Variants in B3GLCT observed in about 807,000 individuals in gnomAD.
The protein encoded by B3GLCT is beta-1,3-glucosyltransferase.
B3GLCT carries 65 observed loss-of-function variants against 63.4 expected under a neutral mutation model. The observed-to-expected ratio is 1.03, with a 90% CI of 0.84 to 1.26. The LOEUF (loss-of-function observed/expected upper bound fraction) is 1.26, where lower values mean the gene tolerates loss of function less well. B3GLCT is among the 50% of genes most tolerant of loss of function. The pLI is 0.00. For synonymous variants in B3GLCT, 233 were observed against 219.2 expected, an observed-to-expected ratio of 1.06 and a Z score of -0.55; for missense variants, 577 against 604.8, an observed-to-expected ratio of 0.95 and a Z score of 0.48.
chr13:31,213,037 CACGCGT>C (rs1296798437), intron 1 of B3GLCT, among the ~76,000 whole-genome samples: 1 of 149,670 alleles, frequency 6.7e-6, no homozygotes, highest in African/African-American at 2.5e-5. Context: ...TGTGTGTGTG[CACGCGT>C]GCGCGTGTGT....
At chr13:31,234,057 G>T (rs561182928) in intron 4 of B3GLCT, among the ~76,000 whole-genome samples, 1 of 149,542 alleles carries the variant, frequency 6.7e-6, no homozygotes, top group East Asian at 2.0e-4. Flanking sequence ...TCACTCTGTC[G>T]CCCAGGCTGG....
chr13:31,204,258 G>T (rs566544225), intron 1 of B3GLCT, among the ~76,000 whole-genome samples: 2 of 152,278 alleles, frequency 1.3e-5, no homozygotes, highest in African/African-American at 2.4e-5. Flanking sequence ...ATACTTTTTG[G>T]TTATCCCAGG....
chr13:31,202,360 T>C (rs1024436001), intron 1 of B3GLCT, among the ~76,000 whole-genome samples: 2 of 152,216 alleles, frequency 1.3e-5, no homozygotes, highest in African/African-American at 2.4e-5. Flanking sequence ...AGGTTACCAT[T>C]TGTTAGCTGT....
intron 12 of B3GLCT, among the ~76,000 whole-genome samples, chr13:31,291,828 C>T (rs1566084729): frequency 1.3e-5 from 2 of 152,142 alleles, no homozygotes; most frequent in African/African-American, 2.4e-5. Context: ...CCTTATTGCC[C>T]TGGCCAGAAC....
intron 10 of B3GLCT, among the ~76,000 whole-genome samples, chr13:31,278,379 C>A (rs2137865268): frequency 6.6e-6 from 1 of 152,116 alleles, no homozygotes. Flanking sequence ...TCATGAAATC[C>A]TTTTCTGTTT....
At chr13:31,229,163 A>C (rs1401146588) in intron 3 of B3GLCT, 22 bp from the exon 4 acceptor site, 1 of 1,458,638 alleles carries the variant, frequency 6.9e-7, no homozygotes, top group Non-Finnish European at 9.6e-7. Flanking sequence ...AAATACCTGA[A>C]AACTATTTTT....
At chr13:31,278,752 T>G (rs1247789730) in intron 10 of B3GLCT, among the ~76,000 whole-genome samples, 2 of 152,234 alleles carry the variant, frequency 1.3e-5, no homozygotes, top group Non-Finnish European at 2.9e-5. Flanking sequence ...GTAATACCAG[T>G]TACAAGGATA....
At chr13:31,225,583 G>A (rs768221623) in intron 3 of B3GLCT, among the ~76,000 whole-genome samples, 9 of 152,132 alleles carry the variant, frequency 5.9e-5, no homozygotes, top group Admixed American at 6.5e-5. Flanking sequence ...GTGATCTTCC[G>A]GCATTCATTA....
Position 31,267,883 on chromosome 13 carries a change from CTG to C in B3GLCT, c.597-1329_597-1328del, listed in dbSNP as rs937985594. 2.4e-4 allele frequency among the ~76,000 whole-genome samples: 35 copies of C among 147,824 alleles called. 1 individual carries two copies. The highest frequency in any genetic ancestry group is 8.8e-4 in the African/African-American group (35 of 39,900). ...TTTTTTTCTTTTCGAGACAGGGTCT[CTG>C]TTGCTCAGGCTGGAGTGTGATCATA... On this transcript the variant is annotated intron_variant, in intron 7 of 14. Transcript: ENST00000343307.
At chr13:31,233,461 C>T (rs1870481831) in intron 4 of B3GLCT, among the ~76,000 whole-genome samples, 1 of 152,100 alleles carries the variant, frequency 6.6e-6, no homozygotes, top group Non-Finnish European at 1.5e-5. Flanking sequence ...GTACTTCTCC[C>T]CACCCAACAG....
chr13:31,322,146 G>A (rs904434914), intron 13 of B3GLCT, among the ~76,000 whole-genome samples: 1 of 152,260 alleles, frequency 6.6e-6, no homozygotes, highest in African/African-American at 2.4e-5. Flanking sequence ...AGGAAGCTGT[G>A]CTTAGGCTAT....
chr13:31,219,135 C>G (rs907499414), intron 2 of B3GLCT, among the ~76,000 whole-genome samples: 2 of 151,884 alleles, frequency 1.3e-5, no homozygotes, highest in Non-Finnish European at 2.9e-5. Context: ...CTGGCAGAGA[C>G]ACAACAAAAA....
At chr13:31,269,318 G>T (rs1487501680) in intron 8 of B3GLCT, 41 bp downstream of exon 8, 3 of 1,410,974 alleles carry the variant, frequency 2.1e-6, no homozygotes, top group Admixed American at 3.4e-5. Flanking sequence ...TACTAATCAA[G>T]AATTCATGTC....
chr13:31,260,172 G>C (rs1871957128), intron 6 of B3GLCT, among the ~76,000 whole-genome samples: 1 of 152,090 alleles, frequency 6.6e-6, no homozygotes, highest in South Asian at 2.1e-4. Context: ...CCCACCTCAG[G>C]GACTTTGCAT....
At chr13:31,318,268 A>G (rs1446885742) in intron 13 of B3GLCT, among the ~76,000 whole-genome samples, 1 of 152,218 alleles carries the variant, frequency 6.6e-6, no homozygotes, top group Non-Finnish European at 1.5e-5. Flanking sequence ...TGGTGCGTGT[A>G]GGCAAAATCT....
chr13:31,285,493 GA>G (rs1873276100), intron 11 of B3GLCT, among the ~76,000 whole-genome samples: 1 of 150,986 alleles, frequency 6.6e-6, no homozygotes, highest in Non-Finnish European at 1.5e-5. Flanking sequence ...AAATGGAAGT[GA>G]AAATTTGGCC....
In B3GLCT at chr13:31,200,163, C is replaced by A. The variant is rs1343520045; in HGVS notation, c.70+9C>A. The A allele has an allele frequency of 7.6e-7, 1 of 1,309,612 alleles. No individual in the cohort carries two copies. The highest frequency in any genetic ancestry group is 9.8e-7 in the Non-Finnish European group (1 of 1,018,354). The allele number at this position is 1,309,612 out of a possible 1,614,324, so 81.1% of individuals were successfully genotyped here. On this transcript the variant is annotated intron_variant, in intron 1 of 14. Coordinates refer to ENST00000343307, the MANE Select transcript of B3GLCT (RefSeq NM_194318.4). ...CCTCACCTGCTCCCTGGGTAAGTAGCGGGCGGCCAGGCGCGCAAGGGCGAG... is the reference window on the plus strand; with the variant it reads ...CCTCACCTGCTCCCTGGGTAAGTAGAGGGCGGCCAGGCGCGCAAGGGCGAG...
At chr13:31,222,802 C>A (rs1385258015) in intron 2 of B3GLCT, 150 bp from the exon 3 acceptor site, 4 of 641,796 alleles carry the variant, frequency 6.2e-6, no homozygotes, top group Non-Finnish European at 1.1e-5. Flanking sequence ...GTTTCGGTCT[C>A]ATTTCTTTAG....
Position 31,200,098 on chromosome 13 carries a change from C to A in B3GLCT, c.14C>A (p.Ala5Asp). MRPP[A>D]CWWLLAPPAL... ...TCCGCCGCCAGGATGCGGCCGCCCG[C>A]CTGCTGGTGGCTGCTCGCGCCGCCG... Residue 5 changes from alanine (A) to aspartate (D), a missense_variant, in exon 1 of 15, where the codon GCC becomes GAC. Coordinates refer to ENST00000343307, the MANE Select transcript of B3GLCT (RefSeq NM_194318.4). The A allele has an allele frequency of 7.3e-7, 1 of 1,375,512 alleles. No homozygotes were observed. Among genetic ancestry groups the A allele is most frequent in the Non-Finnish European group, 9.5e-7 (1 of 1,054,782 alleles). 85.2% of individuals were successfully genotyped at this position (1,375,512 alleles called of 1,614,324 possible).
Sources: gnomAD v4.1 joint callset for allele counts (sites outside exome capture counted in the v4.1 genomes callset) on GRCh38, gnomAD v4.1.1 for gene constraint, MANE v1.5 for transcripts, NCBI Gene and HGNC (gene_info 2026-07-23, HGNC 2026-07-21) for gene names.